The following IPP variants were observed in gnomAD, a reference collection of about 807,000 sequenced individuals.
IPP encodes intracisternal A particle-promoted polypeptide.
In IPP, 41 loss-of-function variants were observed where a neutral mutation model predicts 64.1. The ratio of observed to expected loss-of-function variants is 0.64; its 90% confidence interval spans 0.50 to 0.83. The LOEUF (loss-of-function observed/expected upper bound fraction) is 0.83. IPP is among the 40% of genes least tolerant of loss of function. IPP has a pLI of 0.00. For synonymous variants in IPP, 214 were observed against 235.2 expected (o/e 0.91, Z 0.83); for missense variants, 649 against 703.0 (o/e 0.92, Z 0.87).
At chr1:45,723,958 T>TCTTCTC (rs1557748976) in intron 5 of IPP, among the ~76,000 whole-genome samples, 1 of 142,964 alleles carries the variant, frequency 7.0e-6, no homozygotes, top group African/African-American at 2.6e-5. Flanking sequence ...GCTCAGGAGT[T>TCTTCTC]CCTCTCCCTC....
chr1:45,747,637 G>A (rs28752166), intron 1 of IPP, among the ~76,000 whole-genome samples: 42,819 of 151,788 alleles, frequency 0.28, 6,177 homozygotes, highest in South Asian at 0.37. Context: ...AGACCAACCT[G>A]ACCAACATGA....
At chr1:45,694,590 C>T, downstream of IPP, 1 of 774,520 alleles carries the variant, frequency 1.3e-6, no homozygotes, top group Non-Finnish European at 2.3e-6. Flanking sequence ...ACTTATTTCA[C>T]ATGGTATAAC....
Position 45,716,982 on chromosome 1 carries a change from C to G in IPP, c.1222G>C (p.Glu408Gln). 1 of 1,613,270 alleles carries G rather than the reference C, an allele frequency of 6.2e-7. No individual in the cohort carries two copies. Among genetic ancestry groups the G allele is most frequent in the Admixed American group, 1.7e-5 (1 of 59,916 alleles). ...TTATTTTCATCAGGATCAAATCGTTCAATGGTGTTCCCTATCTCAGCTCCA... is the reference window on the plus strand; with the variant it reads ...TTATTTTCATCAGGATCAAATCGTTGAATGGTGTTCCCTATCTCAGCTCCA... ...WVGAEIGNTI[E>Q]RFDPDENKWE... is the part of the protein sequence containing the mutation. Residue 408 changes from glutamate to glutamine, a missense_variant, in exon 7 of 9, where the codon GAA (glutamate) becomes CAA (glutamine). Glu to Gln is a conservative substitution (Grantham distance 29, BLOSUM62 2). Transcript: ENST00000396478.
At chr1:45,697,113 T>C (rs1645394174), downstream of IPP, 1 of 152,254 alleles carries the variant, frequency 6.6e-6, no homozygotes, top group Non-Finnish European at 1.5e-5. Context: ...TACACAGACA[T>C]CTGTGACCCT....
intron 3 of IPP, among the ~76,000 whole-genome samples, chr1:45,732,096 A>C (rs1645914981): frequency 6.6e-6 from 1 of 152,170 alleles, no homozygotes; most frequent in African/African-American, 2.4e-5. Context: ...ACGGTGTCTC[A>C]TGCCTGTAAT....
chr1:45,737,613 A>C (rs868340724), intron 3 of IPP, among the ~76,000 whole-genome samples: 1 of 151,920 alleles, frequency 6.6e-6, no homozygotes, highest in African/African-American at 2.4e-5. Context: ...AGCACATGCC[A>C]CCATCCCCAG....
At position 45,727,786 on chromosome 1, in the gene IPP, C is replaced by T. The variant is rs376684550; in HGVS notation, c.893G>A (p.Arg298Gln). The change falls in exon 5 of 9, where the codon CGG becomes CAG. Residue 298 changes from arginine to glutamine, a missense_variant. Arg to Gln is a conservative substitution (Grantham distance 43). Coordinates refer to ENST00000396478, the MANE Select transcript of IPP (RefSeq NM_005897.3). ...ATCACTCCAGCGACCCCCCTGCAAC[C>T]GAGTATATCCACCTAAACAAAAGAA... ...KYLYAVGGYT[R>Q]LQGGRWSDSR... The T allele has an allele frequency of 4.5e-6, 7 of 1,545,422 alleles. No homozygotes were observed. In the Admixed American group the frequency reaches 6.9e-5, roughly 15 times the overall value.
At chr1:45,744,597 T>C (rs1646110254) in intron 2 of IPP, among the ~76,000 whole-genome samples, 1 of 152,108 alleles carries the variant, frequency 6.6e-6, no homozygotes, top group African/African-American at 2.4e-5. Flanking sequence ...TCCCAGTACT[T>C]TGGGAGGCCG....
chr1:45,736,935 C>T (rs1450146640), intron 3 of IPP, among the ~76,000 whole-genome samples: 1 of 149,026 alleles, frequency 6.7e-6, no homozygotes, highest in Non-Finnish European at 1.5e-5. Flanking sequence ...CCCAGCTACA[C>T]GGAAGGCTGA....
chr1:45,707,295 C>T (rs561672157), intron 8 of IPP, among the ~76,000 whole-genome samples: 80 of 151,728 alleles, frequency 5.3e-4, no homozygotes, highest in Non-Finnish European at 9.4e-4. Context: ...TGGTGGTGGG[C>T]GCCTGTAGTC....
At chr1:45,712,892 T>TAC (rs1645609876) in intron 8 of IPP, among the ~76,000 whole-genome samples, 1 of 147,564 alleles carries the variant, frequency 6.8e-6, no homozygotes, top group Non-Finnish European at 1.5e-5. Context: ...TATATATATA[T>TAC]ACACACCATC....
chr1:45,729,215 C>T (rs1645873541), intron 4 of IPP, among the ~76,000 whole-genome samples: 2 of 150,918 alleles, frequency 1.3e-5, no homozygotes, highest in Admixed American at 1.3e-4. Flanking sequence ...TTTATAACCA[C>T]ACTTTGGAGA....
At chr1:45,715,151 C>T (rs1170633864) in intron 7 of IPP, among the ~76,000 whole-genome samples, 1 of 145,840 alleles carries the variant, frequency 6.9e-6, no homozygotes, top group Non-Finnish European at 1.5e-5. Flanking sequence ...GCCAAGATTG[C>T]ACCACTGCAC....
In IPP at chr1:45,747,054, G is replaced by A. The variant is rs72885389; in HGVS notation, c.-50-593C>T. ...AAGCTTATTGGTTTTACATTCTATA[G>A]CACAGGTCTACCTTATCAAATACCC... is the stretch of plus-strand genomic sequence containing the variant. On this transcript the variant is annotated intron_variant, in intron 1 of 8. Coordinates refer to ENST00000396478, the MANE Select transcript of IPP (RefSeq NM_005897.3). 3.5e-3 allele frequency among the ~76,000 whole-genome samples: 531 copies of A among 152,154 alleles called. 5 individuals carry two copies. The highest frequency in any genetic ancestry group is 0.012 in the African/African-American group (497 of 41,518).
chr1:45,706,868 A>G (rs1645519307), intron 8 of IPP, among the ~76,000 whole-genome samples: 1 of 152,264 alleles, frequency 6.6e-6, no homozygotes, highest in African/African-American at 2.4e-5. Context: ...CAGCAGCATA[A>G]TATTTACAAT....
intron 8 of IPP, among the ~76,000 whole-genome samples, chr1:45,702,494 G>A (rs180939071): frequency 2.0e-5 from 3 of 152,186 alleles, no homozygotes; most frequent in South Asian, 2.1e-4. Flanking sequence ...TCACTCTGTC[G>A]CCCAGGCTGG....
chr1:45,729,652 C>T lies in IPP; in HGVS notation c.842G>A (p.Arg281Gln). ...GTACTTTCTTGCTTTCTTCCGAGGT[C>T]GAACCTTAGATGTCTGCAGAAAACT... ...FCSFLQTSKVRPRKKARKYLY... is the reference protein window; with the variant it reads ...FCSFLQTSKVQPRKKARKYLY... The change falls in exon 4 of 9, where the codon CGA becomes CAA. Residue 281 changes from arginine (R) to glutamine (Q), a missense_variant. Arg to Gln is a conservative substitution (Grantham distance 43). Coordinates refer to ENST00000396478, the MANE Select transcript of IPP (RefSeq NM_005897.3). 3 of 1,613,196 alleles carry T rather than the reference C, an allele frequency of 1.9e-6. No individual in the cohort carries two copies. Among genetic ancestry groups the T allele is most frequent in the Non-Finnish European group, 1.7e-6 (2 of 1,179,594 alleles).
intron 2 of IPP, among the ~76,000 whole-genome samples, chr1:45,745,159 G>A (rs988023691): frequency 2.6e-5 from 4 of 152,074 alleles, no homozygotes; most frequent in Non-Finnish European, 2.9e-5. Context: ...TTGGCCTCCC[G>A]AAGTGCTGGG....
Position 45,741,651 on chromosome 1 carries a change from C to T in IPP, c.293-319G>A, listed in dbSNP as rs1206915420. Among the ~76,000 whole-genome samples the T allele has an allele frequency of 1.5e-4, 8 of 55,058 alleles. 1 individual carries two copies. Among genetic ancestry groups the T allele is most frequent in the East Asian group, 1.4e-3 (2 of 1,396 alleles). The allele number at this position is 55,058 out of a possible 152,430, so 36.1% of individuals were successfully genotyped here. ...TTTTTTTTTTTTTTTTTTTTTGAGA[C>T]GGAGTCCCGCTCTTTAGCCCAGGCC... On this transcript the variant is annotated intron_variant, in intron 2 of 8. Coordinates refer to ENST00000396478, the MANE Select transcript of IPP (RefSeq NM_005897.3).
Sources: gnomAD v4.1 joint callset for allele counts (sites outside exome capture counted in the v4.1 genomes callset) on GRCh38, gnomAD v4.1.1 for gene constraint, MANE v1.5 for transcripts, NCBI Gene and HGNC (gene_info 2026-07-23, HGNC 2026-07-21) for gene names.